ITGA9: variants seen among roughly 807,000 people sequenced by gnomAD.
ITGA9 encodes integrin subunit alpha 9, also known as integrin alpha-9.
In ITGA9, 56 loss-of-function variants were observed where a neutral mutation model predicts 127.8. The observed-to-expected ratio is 0.44, with a 90% CI of 0.35 to 0.55. The LOEUF (loss-of-function observed/expected upper bound fraction) is 0.55. ITGA9 is among the 20% of genes least tolerant of loss of function. ITGA9 has a pLI of 0.00. For synonymous variants in ITGA9, 508 were observed against 514.5 expected (o/e 0.99, Z 0.17); for missense variants, 1,196 against 1,347.1 (o/e 0.89, Z 1.76).
chr3:37,519,196 T>C, intron 10 of ITGA9, 64 bp from the exon 11 acceptor site: 1 of 1,225,466 alleles, frequency 8.2e-7, no homozygotes. Flanking sequence ...CAACCAGAAT[T>C]AGGGAAGCTG....
chr3:37,580,034 T>G (rs1699690767), intron 15 of ITGA9, among the ~76,000 whole-genome samples: 1 of 152,236 alleles, frequency 6.6e-6, no homozygotes, highest in Non-Finnish European at 1.5e-5. Flanking sequence ...ATTCTAGGCA[T>G]GAAAATTAGC....
chr3:37,820,494 G>T lies in ITGA9; in HGVS notation c.*1505G>T, dbSNP rs1027821145. On this transcript the variant is annotated 3_prime_UTR_variant, in exon 28 of 28. Coordinates refer to ENST00000264741, the MANE Select transcript of ITGA9 (RefSeq NM_002207.3). ...CCCTCCCCACCCCCTGAATGTGTGA[G>T]TGCTGAGTTACGGCCTTCAGTATCC... 6.6e-6 allele frequency: 1 copy of T among 152,316 alleles called. No individual in the cohort carries two copies. The highest frequency in any genetic ancestry group is 2.4e-5 in the African/African-American group (1 of 41,446). The allele number at this position is 152,316 out of a possible 1,614,324, so 9.4% of individuals were successfully genotyped here. A position where few individuals can be genotyped will look rare whatever the true frequency, so the allele number is the denominator to read the frequency against.
In ITGA9 at chr3:37,777,421, C is replaced by G. The variant is rs140980106; in HGVS notation, c.2571C>G (p.Phe857Leu). 1 of 1,614,104 alleles carries G rather than the reference C, an allele frequency of 6.2e-7. No homozygotes were observed. The highest frequency in any genetic ancestry group is 8.5e-7 in the Non-Finnish European group (1 of 1,179,978). The change falls in exon 24 of 28, where the codon TTC (phenylalanine) becomes TTG (leucine). Residue 857 changes from phenylalanine (F) to leucine (L), a missense_variant. Transcript: ENST00000264741. ...GCCAAGAGAAGGGAAACTGCTCTTT[C>G]CAGAAAAACCCAACTCCCTGCATCA... ...VVGQEKGNCSFQKNPTPCIIP... is the reference protein window; with the variant it reads ...VVGQEKGNCSLQKNPTPCIIP...
chr3:37,587,112 A>G (rs974217249), intron 15 of ITGA9, among the ~76,000 whole-genome samples: 1 of 152,160 alleles, frequency 6.6e-6, no homozygotes, highest in African/African-American at 2.4e-5. Context: ...AAAGTAGCAT[A>G]TCTATTTTCT....
chr3:37,554,249 A>T (rs958673629), intron 15 of ITGA9, among the ~76,000 whole-genome samples: 4 of 152,100 alleles, frequency 2.6e-5, no homozygotes, highest in African/African-American at 9.7e-5. Context: ...GGGTGACCTC[A>T]CTGACGAGGT....
At chr3:37,543,932 C>T (rs1699300807) in intron 15 of ITGA9, among the ~76,000 whole-genome samples, 1 of 152,228 alleles carries the variant, frequency 6.6e-6, no homozygotes, top group African/African-American at 2.4e-5. Flanking sequence ...CCTGTTAAGC[C>T]ATACAGCCCC....
At chr3:37,453,943 G>A (rs1436377632) in intron 1 of ITGA9, among the ~76,000 whole-genome samples, 1 of 152,218 alleles carries the variant, frequency 6.6e-6, no homozygotes, top group African/African-American at 2.4e-5. Context: ...ATAAGACCGA[G>A]TGTGTCTGTT....
chr3:37,490,975 C>CCCCCTTT (rs548395527), intron 4 of ITGA9, among the ~76,000 whole-genome samples: 1 of 105,104 alleles, frequency 9.5e-6, no homozygotes, highest in African/African-American at 3.6e-5. Context: ...TTCCCCCCCG[C>CCCCCTTT]TTTTTTTTTT....
At chr3:37,482,043 G>A (rs2125559105) in intron 4 of ITGA9, among the ~76,000 whole-genome samples, 1 of 152,324 alleles carries the variant, frequency 6.6e-6, no homozygotes, top group Non-Finnish European at 1.5e-5. Context: ...TACAGCCCCA[G>A]GCAGCTCCAA....
At position 37,470,891 on chromosome 3, in the gene ITGA9, A is replaced by G. The variant is rs75247908; in HGVS notation, c.186-116A>G. 2,489 of 1,007,022 alleles carry G rather than the reference A, an allele frequency of 2.5e-3. 69 individuals are homozygous for G. The East Asian group carries it at 0.049, about 20-fold the overall frequency. 62.4% of individuals were successfully genotyped at this position (1,007,022 alleles called of 1,614,324 possible). ...AGCCCACACAGAAAAGTATAATAAT[A>G]TGATTTTCAAAGTGAGCACTCAGAG... is the stretch of plus-strand genomic sequence containing the variant. On this transcript the variant is annotated intron_variant, in intron 1 of 27. Transcript: ENST00000264741.
chr3:37,697,905 A>G (rs1325843207), intron 18 of ITGA9, among the ~76,000 whole-genome samples: 1 of 152,222 alleles, frequency 6.6e-6, no homozygotes, highest in Middle Eastern at 3.2e-3. Flanking sequence ...TTGAGGAATC[A>G]CCACACTGTC....
intron 18 of ITGA9, among the ~76,000 whole-genome samples, chr3:37,692,419 G>A (rs1310210080): frequency 1.3e-4 from 19 of 151,248 alleles, no homozygotes; most frequent in Admixed American, 1.2e-3. Context: ...GAGAGTGTGT[G>A]TGTGTGTGTG....
intron 15 of ITGA9, among the ~76,000 whole-genome samples, chr3:37,568,891 G>C (rs1223798023): frequency 6.6e-6 from 1 of 152,114 alleles, no homozygotes; most frequent in Non-Finnish European, 1.5e-5. Flanking sequence ...CCTCCAAACT[G>C]TTCCAACCTC....
At chr3:37,523,693 T>A (rs1699066548) in intron 12 of ITGA9, 82 bp downstream of exon 12, 10 of 977,100 alleles carry the variant, frequency 1.0e-5, no homozygotes, top group Non-Finnish European at 1.7e-5. Flanking sequence ...TGGTTAGCAA[T>A]CATCACATCC....
rs546293208 is a variant in ITGA9, at chr3:37,775,130, C to T, written c.2542-2262C>T. Among the ~76,000 whole-genome samples, 20 of 152,240 alleles carry T rather than the reference C, an allele frequency of 1.3e-4. No homozygotes were observed. In the South Asian group the frequency reaches 2.9e-3, roughly 22 times the overall value. ...AAATATTTGCAAACTATGCATCTGA[C>T]GAAGGTCTGATCTCTGTCATCTATA... On this transcript the variant is annotated intron_variant, in intron 23 of 27. Coordinates refer to ENST00000264741, the MANE Select transcript of ITGA9 (RefSeq NM_002207.3).
chr3:37,635,927 C>T (rs577428159), intron 16 of ITGA9, among the ~76,000 whole-genome samples: 1 of 151,888 alleles, frequency 6.6e-6, no homozygotes, highest in African/African-American at 2.4e-5. Context: ...TGATGGTTTC[C>T]AGTTTCATCC....
chr3:37,669,302 C>A (rs544958123), intron 17 of ITGA9, among the ~76,000 whole-genome samples: 3 of 152,322 alleles, frequency 2.0e-5, no homozygotes, highest in Admixed American at 6.5e-5. Context: ...TAGCCAATGG[C>A]TGGCTGATTT....
At chr3:37,757,409 T>C (rs1208547610) in intron 23 of ITGA9, among the ~76,000 whole-genome samples, 1 of 151,842 alleles carries the variant, frequency 6.6e-6, no homozygotes, top group Non-Finnish European at 1.5e-5. Flanking sequence ...ATGCCTGTAA[T>C]CCCAGGACTT....
At chr3:37,738,181 A>T (rs1327277765) in intron 20 of ITGA9, among the ~76,000 whole-genome samples, 1 of 152,264 alleles carries the variant, frequency 6.6e-6, no homozygotes, top group Non-Finnish European at 1.5e-5. Flanking sequence ...ATCACATAAA[A>T]CATGACTGTG....
Sources: gnomAD v4.1 joint callset for allele counts (sites outside exome capture counted in the v4.1 genomes callset) on GRCh38, gnomAD v4.1.1 for gene constraint, MANE v1.5 for transcripts, NCBI Gene and HGNC (gene_info 2026-07-23, HGNC 2026-07-21) for gene names.